The following YRDC variants were observed in gnomAD, a reference collection of about 807,000 sequenced individuals.
YRDC encodes the protein threonylcarbamoyl-AMP synthase.
Under a neutral mutation model 21.5 loss-of-function variants are expected in YRDC, and 17 were observed. That is an observed-to-expected ratio of 0.79 (90% CI 0.54 to 1.19). The LOEUF (loss-of-function observed/expected upper bound fraction) is 1.19. Among genes scored for constraint, YRDC ranks in the 50% most tolerant of loss-of-function variants. The pLI, the probability that YRDC is intolerant of heterozygous loss-of-function variation, is 0.00. For synonymous variants in YRDC, 193 were observed against 176.7 expected (o/e 1.09, Z -0.73); for missense variants, 380 against 397.1 (o/e 0.96, Z 0.37).
rs769649977 is a variant in YRDC at position 37,807,212 on chromosome 1, G to C, written c.393C>G (p.Tyr131Ter). The C allele has an allele frequency of 1.2e-6, 2 of 1,613,850 alleles. No individual in the cohort carries two copies. The highest frequency in any genetic ancestry group is 1.1e-5 in the South Asian group (1 of 91,084). Residue 131 changes from tyrosine to a stop codon, truncating the protein, a stop_gained, in exon 2 of 5, where the codon TAC (tyrosine) becomes TAG (stop). Coordinates refer to ENST00000373044, the MANE Select transcript of YRDC (RefSeq NM_024640.4). LOFTEE classifies it high-confidence loss of function. ...GCCCCTCAGGTACTCTCACACGGCA[G>C]TATCTGGGAAACACAGAAGAATAAA... ...CLGRVADVYR[Y>*]CRVRVPEGLL...
intron 3 of YRDC, 25 bp downstream of exon 3, chr1:37,806,832 C>T (rs1362914370): frequency 1.1e-5 from 17 of 1,613,922 alleles, no homozygotes; most frequent in Non-Finnish European, 1.4e-5. Flanking sequence ...GTGACATTTC[C>T]AGGGGAAGGA....
In YRDC at chr1:37,807,228, G is replaced by T. The variant is rs772159065; in HGVS notation, c.390-13C>A. 1.1e-5 allele frequency: 17 copies of T among 1,611,496 alleles called. No individual in the cohort carries two copies. The East Asian group carries it at 3.8e-4, about 36-fold the overall frequency. On this transcript the variant is annotated splice_polypyrimidine_tract_variant and intron_variant, in intron 1 of 4. Coordinates refer to ENST00000373044, the MANE Select transcript of YRDC (RefSeq NM_024640.4). ...CACACGGCAGTATCTGGGAAACACA[G>T]AAGAATAAATCCATTCAAAATTGAA...
At chr1:37,805,070 A>G (rs1037279053) in intron 3 of YRDC, among the ~76,000 whole-genome samples, 1 of 152,186 alleles carries the variant, frequency 6.6e-6, no homozygotes, top group Admixed American at 6.5e-5. Flanking sequence ...AGCCTGGTCA[A>G]CATAGTGAAA....
rs1427138792 is a variant in YRDC, at chr1:37,807,581, T to TC, written c.389+210dup. The TC allele has an allele frequency of 1.3e-5, 13 of 972,608 alleles. No individual in the cohort carries two copies. The East Asian group carries it at 3.6e-4, about 27-fold the overall frequency. 60.2% of individuals were successfully genotyped at this position (972,608 alleles called of 1,614,324 possible). A position where few individuals can be genotyped will look rare whatever the true frequency, so the allele number is the denominator to read the frequency against. ...GCACAAATACGCCAAGGGAACAGGGTCCCTGCCTTTCTCGTGTGTTGCTGC... is the reference window on the plus strand; with the variant it reads ...GCACAAATACGCCAAGGGAACAGGGTCCCCTGCCTTTCTCGTGTGTTGCTGC... On this transcript the variant is annotated intron_variant, in intron 1 of 4. Transcript: ENST00000373044.
Position 37,804,345 on chromosome 1 carries a change from C to A in YRDC, c.724G>T (p.Asp242Tyr). 1.2e-6 allele frequency: 2 copies of A among 1,614,144 alleles called. No homozygotes were observed. The highest frequency in any genetic ancestry group is 1.7e-6 in the Non-Finnish European group (2 of 1,179,998). ...CCAAACTTTCCGGGCACAGACAAATCAACCACAGTTGAGCCAAGGCGACAC... is the reference window on the plus strand; with the variant it reads ...CCAAACTTTCCGGGCACAGACAAATAAACCACAGTTGAGCCAAGGCGACAC... ...PECRLGSTVV[D>Y]LSVPGKFGII... The change falls in exon 4 of 5, where the codon GAT becomes TAT. Residue 242 changes from aspartate (D) to tyrosine (Y), a missense_variant. Transcript: ENST00000373044.
chr1:37,806,475 C>G (rs1395017453), intron 3 of YRDC, among the ~76,000 whole-genome samples: 1 of 152,150 alleles, frequency 6.6e-6, no homozygotes, highest in Non-Finnish European at 1.5e-5. Flanking sequence ...GTGCTGGGGT[C>G]ACAGGCATGA....
In YRDC at chr1:37,808,063, G is replaced by A. The variant is rs1646754194; in HGVS notation, c.118C>T (p.Pro40Ser). Residue 40 changes from proline to serine, a missense_variant, in exon 1 of 5, where the codon CCG (proline) becomes TCG (serine). By Grantham distance (74) the Pro-to-Ser change is moderately conservative. Around this residue, in one of 3 missense-constraint regions of YRDC, gnomAD observed 51 missense variants for 95.9 expected, o/e 0.53. Transcript: ENST00000373044. ...GRLFRPPSPA[P>S]AAPGARLLRL... ...AACAGCCGGGCGCCGGGGGCCGCCG[G>A]AGCGGGACTCGGCGGGCGGAAGAGG... 10 of 1,344,622 alleles carry A rather than the reference G, an allele frequency of 7.4e-6. No individual in the cohort carries two copies. The East Asian group carries it at 3.1e-4, about 41-fold the overall frequency. 83.3% of individuals were successfully genotyped at this position (1,344,622 alleles called of 1,614,324 possible). A position where few individuals can be genotyped will look rare whatever the true frequency, so the allele number is the denominator to read the frequency against.
In YRDC at chr1:37,808,069, G is replaced by T; in HGVS notation, c.112C>A (p.Pro38Thr). 7.4e-7 allele frequency: 1 copy of T among 1,355,764 alleles called. No individual in the cohort carries two copies. The highest frequency in any genetic ancestry group is 9.4e-7 in the Non-Finnish European group (1 of 1,059,876). 84.0% of individuals were successfully genotyped at this position (1,355,764 alleles called of 1,614,324 possible). A position where few individuals can be genotyped will look rare whatever the true frequency, so the allele number is the denominator to read the frequency against. ...RSGRLFRPPS[P>T]APAAPGARLL... ...CGGGCGCCGGGGGCCGCCGGAGCGG[G>T]ACTCGGCGGGCGGAAGAGGCGACCG... Residue 38 changes from proline (P) to threonine (T), a missense_variant, in exon 1 of 5, where the codon CCC becomes ACC. Pro to Thr is a conservative substitution (Grantham distance 38). Transcript: ENST00000373044.
chr1:37,805,884 C>T (rs1366641929), intron 3 of YRDC, among the ~76,000 whole-genome samples: 1 of 152,174 alleles, frequency 6.6e-6, no homozygotes, highest in Non-Finnish European at 1.5e-5. Flanking sequence ...ATGTAATAAG[C>T]CCAAGGAAGG....
chr1:37,805,243 G>C (rs1449931567), intron 3 of YRDC, among the ~76,000 whole-genome samples: 1 of 152,192 alleles, frequency 6.6e-6, no homozygotes, highest in African/African-American at 2.4e-5. Context: ...CTGGGCAAGA[G>C]AGTGAGACTG....
chr1:37,807,730 C>A, intron 1 of YRDC, 62 bp downstream of exon 1: 1 of 1,412,530 alleles, frequency 7.1e-7, no homozygotes, highest in Non-Finnish European at 9.3e-7. Flanking sequence ...TCTCCCAAGC[C>A]TGTCACCGGA....
Position 37,806,991 on chromosome 1 carries a change from G to A in YRDC, c.505-15C>T, listed in dbSNP as rs777291433. Reference sequence around the variant, plus strand: ...ATGCCTACAAGCTGTAAGGCAAGGGGAAAGGGATCATGAGAAAGGTTGGAA... The same window carrying A: ...ATGCCTACAAGCTGTAAGGCAAGGGAAAAGGGATCATGAGAAAGGTTGGAA... On this transcript the variant is annotated splice_polypyrimidine_tract_variant and intron_variant, in intron 2 of 4. Coordinates refer to ENST00000373044, the MANE Select transcript of YRDC (RefSeq NM_024640.4). 3.1e-6 allele frequency: 5 copies of A among 1,614,180 alleles called. No individual in the cohort carries two copies. The highest frequency in any genetic ancestry group is 4.2e-6 in the Non-Finnish European group (5 of 1,180,012).
intron 4 of YRDC, 65 bp downstream of exon 4, chr1:37,804,237 A>C: frequency 1.9e-6 from 3 of 1,571,298 alleles, no homozygotes; most frequent in Non-Finnish European, 2.6e-6. Flanking sequence ...TATCTTGTCA[A>C]AGCTTTTTTG....
chr1:37,807,285 GCAGACGTAGA>G, intron 1 of YRDC, 70 bp from the exon 2 acceptor site: 1 of 1,398,556 alleles, frequency 7.2e-7, no homozygotes, highest in Non-Finnish European at 1.0e-6. Flanking sequence ...TAGACTCTAG[GCAGACGTAGA>G]AAAGGAATCC....
At position 37,808,004 on chromosome 1, in the gene YRDC, C is replaced by A; in HGVS notation, c.177G>T (p.Ala59=). 1 of 1,209,172 alleles carries A rather than the reference C, an allele frequency of 8.3e-7. No individual in the cohort carries two copies. Among genetic ancestry groups the A allele is most frequent in the Non-Finnish European group, 1.0e-6 (1 of 974,054 alleles). The allele number at this position is 1,209,172 out of a possible 1,614,324, so 74.9% of individuals were successfully genotyped here. A position where few individuals can be genotyped will look rare whatever the true frequency, so the allele number is the denominator to read the frequency against. ...CGGTCCAGCCGGCGCGCTCCGGGCT[C>A]GCGGCCTGCACGGCCCCGCTCCCCG... is the stretch of plus-strand genomic sequence containing the variant. ...RLPGSGAVQA[A]SPERAGWTEA... Residue 59 remains alanine, a synonymous_variant, in exon 1 of 5, where the codon GCG becomes GCT. Transcript: ENST00000373044.
chr1:37,807,309 G>A (rs957313590), intron 1 of YRDC, 94 bp from the exon 2 acceptor site: 1 of 1,218,768 alleles, frequency 8.2e-7, no homozygotes, highest in African/African-American at 1.5e-5. Context: ...GGAATCCTTC[G>A]AGTTTACAAT....
rs1646742065 is a variant in YRDC, at chr1:37,806,978, T to C, written c.505-2A>G. 1.2e-6 allele frequency: 2 copies of C among 1,614,126 alleles called. No individual in the cohort carries two copies. The highest frequency in any genetic ancestry group is 1.7e-6 in the Non-Finnish European group (2 of 1,180,018). On this transcript the variant is annotated splice_acceptor_variant, in intron 2 of 4. Transcript: ENST00000373044. LOFTEE classifies it high-confidence loss of function. ...ATCAGGAATCCGAATGCCTACAAGC[T>C]GTAAGGCAAGGGGAAAGGGATCATG... is the stretch of plus-strand genomic sequence containing the variant.
Position 37,808,141 on chromosome 1 carries a change from C to G in YRDC, c.40G>C (p.Val14Leu). 2 of 1,472,454 alleles carry G rather than the reference C, an allele frequency of 1.4e-6. No individual in the cohort carries two copies. The highest frequency in any genetic ancestry group is 1.8e-6 in the Non-Finnish European group (2 of 1,118,908). 91.2% of individuals were successfully genotyped at this position (1,472,454 alleles called of 1,614,324 possible). A position where few individuals can be genotyped will look rare whatever the true frequency, so the allele number is the denominator to read the frequency against. ...ARRCRGMRAA[V>L]AASVGLSEGP... is the part of the protein sequence containing the mutation. The stretch of plus-strand genomic sequence containing the variant: ...TCGCTCAACCCCACGCTGGCAGCCA[C>G]CGCGGCCCTCATCCCCCTGCACCGA... The change falls in exon 1 of 5, where the codon GTG becomes CTG. Residue 14 changes from valine to leucine, a missense_variant. Physicochemically the swap from Val to Leu is conservative, Grantham distance 32 (BLOSUM62 1). Coordinates refer to ENST00000373044, the MANE Select transcript of YRDC (RefSeq NM_024640.4).
intron 4 of YRDC, 69 bp from the exon 5 acceptor site, chr1:37,804,066 G>A (rs1646719155): frequency 1.3e-6 from 2 of 1,581,322 alleles, no homozygotes; most frequent in Non-Finnish European, 8.7e-7. Flanking sequence ...AGGCTGGTGA[G>A]CAGGGACATC....
Sources: gnomAD v4.1 joint callset for allele counts (sites outside exome capture counted in the v4.1 genomes callset) on GRCh38, gnomAD v4.1.1 for gene constraint, gnomAD v4.1.1 regional missense constraint, MANE v1.5 for transcripts, NCBI Gene and HGNC (gene_info 2026-07-23, HGNC 2026-07-21) for gene names.